The following SRBD1 variants were observed in gnomAD, a reference collection of about 807,000 sequenced individuals.
SRBD1 encodes S1 RNA-binding domain-containing protein 1.
A neutral mutation model predicts 115.3 loss-of-function variants in SRBD1; 88 were observed. The ratio of observed to expected loss-of-function variants is 0.76; its 90% CI spans 0.64 to 0.91. The LOEUF (loss-of-function observed/expected upper bound fraction) is 0.91. Ranked by LOEUF, SRBD1 falls within the 40% of genes least tolerant of loss-of-function variation. SRBD1 has a pLI of 0.00. For missense variants in SRBD1, 1,385 were observed against 1,177.4 expected, an observed-to-expected ratio of 1.18 and a Z score of -2.58; for synonymous variants, 509 against 407.7, an observed-to-expected ratio of 1.25 and a Z score of -2.99.
chr2:45,598,560 G>A (rs576537407), intron 4 of SRBD1, among the ~76,000 whole-genome samples: 3 of 151,342 alleles, frequency 2.0e-5, no homozygotes, highest in East Asian at 1.9e-4. Context: ...CTGACAGTGA[G>A]CACCACTGCA....
At chr2:45,408,033 G>A (rs1332625068) in intron 19 of SRBD1, among the ~76,000 whole-genome samples, 1 of 152,078 alleles carries the variant, frequency 6.6e-6, no homozygotes, top group East Asian at 1.9e-4. Context: ...GTTACATTTT[G>A]ATGTATTTAT....
chr2:45,397,014 C>G (rs937616253), intron 19 of SRBD1, among the ~76,000 whole-genome samples: 15 of 152,118 alleles, frequency 9.9e-5, no homozygotes, highest in African/African-American at 2.9e-4. Flanking sequence ...TCAACACTTT[C>G]AAGAGACTTT....
At chr2:45,588,755 T>C (rs559422884) in intron 4 of SRBD1, among the ~76,000 whole-genome samples, 1 of 152,310 alleles carries the variant, frequency 6.6e-6, no homozygotes, top group South Asian at 2.1e-4. Flanking sequence ...TCTGAAGAAA[T>C]ACAGTTTGTA....
intron 14 of SRBD1, among the ~76,000 whole-genome samples, chr2:45,540,109 A>T (rs1671887165): frequency 6.6e-6 from 1 of 152,134 alleles, no homozygotes; most frequent in Non-Finnish European, 1.5e-5. Flanking sequence ...TTGGGAGGCC[A>T]TGGCAGGCGG....
intron 15 of SRBD1, among the ~76,000 whole-genome samples, chr2:45,484,889 A>C (rs980691786): frequency 6.6e-6 from 1 of 152,116 alleles, no homozygotes; most frequent in African/African-American, 2.4e-5. Context: ...GACATTTTTG[A>C]GGTTCATATG....
At chr2:45,599,310 G>A in intron 4 of SRBD1, 139 bp downstream of exon 4, 1 of 1,198,966 alleles carries the variant, frequency 8.3e-7, no homozygotes, top group South Asian at 1.5e-5. Flanking sequence ...TTACAAGTAG[G>A]AAAGCCTCCA....
chr2:45,590,360 G>A (rs775784019), intron 4 of SRBD1, among the ~76,000 whole-genome samples: 1 of 152,142 alleles, frequency 6.6e-6, no homozygotes, highest in African/African-American at 2.4e-5. Context: ...CCTGCCTGGG[G>A]ACTAGACTCC....
chr2:45,511,238 T>C (rs1481936748), intron 14 of SRBD1, among the ~76,000 whole-genome samples: 3 of 152,238 alleles, frequency 2.0e-5, no homozygotes, highest in Non-Finnish European at 4.4e-5. Context: ...CTGTTCACTT[T>C]GTTGTTTCGC....
intron 19 of SRBD1, among the ~76,000 whole-genome samples, chr2:45,400,707 C>CAAG: frequency 6.6e-6 from 1 of 152,100 alleles, no homozygotes; most frequent in East Asian, 1.9e-4. Flanking sequence ...CATATTAACA[C>CAAG]TAGCTTACTC....
At chr2:45,485,442 T>C (rs538360907) in intron 15 of SRBD1, among the ~76,000 whole-genome samples, 1 of 152,330 alleles carries the variant, frequency 6.6e-6, no homozygotes, top group East Asian at 1.9e-4. Context: ...CATTCTATCA[T>C]GTCATTTTAA....
chr2:45,565,893 T>G (rs1558482457), intron 9 of SRBD1, among the ~76,000 whole-genome samples: 1 of 152,256 alleles, frequency 6.6e-6, no homozygotes, highest in Non-Finnish European at 1.5e-5. Context: ...CCCAAAGTGC[T>G]TGGATTATAG....
chr2:45,443,110 C>T (rs1246784691), intron 16 of SRBD1, among the ~76,000 whole-genome samples: 4 of 152,020 alleles, frequency 2.6e-5, no homozygotes, highest in Non-Finnish European at 4.4e-5. Context: ...CCAGAGACAA[C>T]GGGAACAGAG....
chr2:45,550,317 CAGAAA>C (rs1158471343), intron 12 of SRBD1, among the ~76,000 whole-genome samples: 1 of 151,812 alleles, frequency 6.6e-6, no homozygotes, highest in Non-Finnish European at 1.5e-5. Flanking sequence ...GGAATTCATG[CAGAAA>C]AGAAAAGACA....
At chr2:45,417,544 C>A (rs1490223912) in intron 18 of SRBD1, among the ~76,000 whole-genome samples, 5 of 152,156 alleles carry the variant, frequency 3.3e-5, no homozygotes, top group African/African-American at 4.8e-5. Flanking sequence ...TTCCATATGA[C>A]CTCTATTATA....
chr2:45,604,386 G>A (rs1479640843), intron 2 of SRBD1, among the ~76,000 whole-genome samples: 4 of 151,328 alleles, frequency 2.6e-5, no homozygotes, highest in Admixed American at 6.6e-5. Flanking sequence ...AGAGGGGAAG[G>A]GGGGTGGAGG....
At chr2:45,470,255 T>C (rs1201394906) in intron 16 of SRBD1, among the ~76,000 whole-genome samples, 1 of 152,204 alleles carries the variant, frequency 6.6e-6, no homozygotes, top group East Asian at 1.9e-4. Flanking sequence ...TTACATAGAA[T>C]TGATTCCACA....
chr2:45,593,370 A>C (rs922208869), intron 4 of SRBD1, among the ~76,000 whole-genome samples: 10 of 152,176 alleles, frequency 6.6e-5, no homozygotes, highest in Non-Finnish European at 1.3e-4. Context: ...CTCAGGCATA[A>C]TCCTCATGTG....
Position 45,581,848 on chromosome 2 carries a change from T to G in SRBD1, c.816-38A>C, listed in dbSNP as rs1404924874. On this transcript the variant is annotated intron_variant, in intron 5 of 20. Coordinates refer to ENST00000263736, the MANE Select transcript of SRBD1 (RefSeq NM_018079.5). ...ACTTTTGTAATATACCAAAACTGTA[T>G]GTCAAAACTTTCTTTTCAAAGCTAC... The G allele has an allele frequency of 1.1e-5, 16 of 1,508,788 alleles. No homozygotes were observed. The Admixed American group carries it at 2.3e-4, about 21-fold the overall frequency. 93.5% of individuals were successfully genotyped at this position (1,508,788 alleles called of 1,614,324 possible). A position where few individuals can be genotyped will look rare whatever the true frequency, so the allele number is the denominator to read the frequency against.
chr2:45,522,136 T>C (rs909804823), intron 14 of SRBD1, among the ~76,000 whole-genome samples: 1 of 152,028 alleles, frequency 6.6e-6, no homozygotes. Context: ...ATCGTATAGA[T>C]TGAGCATCCC....
Sources: gnomAD v4.1 joint callset for allele counts (sites outside exome capture counted in the v4.1 genomes callset) on GRCh38, gnomAD v4.1.1 for gene constraint, MANE v1.5 for transcripts, NCBI Gene and HGNC (gene_info 2026-07-23, HGNC 2026-07-21) for gene names.